CNTN3: variants seen among roughly 807,000 people sequenced by gnomAD.
The protein encoded by CNTN3 is contactin 3, also known as contactin-3.
Under a neutral mutation model 119.1 loss-of-function variants are expected in CNTN3, and 60 were observed. The ratio of observed to expected loss-of-function variants is 0.50; its 90% confidence interval spans 0.41 to 0.62. The LOEUF (loss-of-function observed/expected upper bound fraction) is 0.62. Ranked by LOEUF, CNTN3 falls within the 20% of genes least tolerant of loss-of-function variation. The pLI is 0.00. For missense variants in CNTN3, 1,101 were observed against 1,242.4 expected (o/e 0.89, Z 1.71); for synonymous variants, 450 against 438.7 (o/e 1.03, Z -0.32).
At chr3:74,376,603 AATT>A (rs1342003665) in intron 5 of CNTN3, among the ~76,000 whole-genome samples, 1 of 152,152 alleles carries the variant, frequency 6.6e-6, no homozygotes, top group Non-Finnish European at 1.5e-5. Context: ...TGAGTTGTAT[AATT>A]ATTATATATT....
chr3:74,596,597 T>G (rs1704814500), intron 1 of CNTN3, among the ~76,000 whole-genome samples: 4 of 152,160 alleles, frequency 2.6e-5, no homozygotes, highest in African/African-American at 4.8e-5. Flanking sequence ...AAGGATTCCC[T>G]ATTTAATAAA....
intron 6 of CNTN3, among the ~76,000 whole-genome samples, chr3:74,370,753 A>G (rs893901980): frequency 6.6e-6 from 1 of 152,096 alleles, no homozygotes; most frequent in South Asian, 2.1e-4. Flanking sequence ...GATGAAACAG[A>G]TATTTTTCTT....
At chr3:74,458,923 G>A (rs1479306840) in intron 4 of CNTN3, among the ~76,000 whole-genome samples, 1 of 151,986 alleles carries the variant, frequency 6.6e-6, no homozygotes, top group Non-Finnish European at 1.5e-5. Context: ...TTCCATGTAT[G>A]CTCTCTTCCA....
chr3:74,599,766 C>T (rs1175894374), intron 1 of CNTN3, among the ~76,000 whole-genome samples: 2 of 152,040 alleles, frequency 1.3e-5, no homozygotes, highest in Admixed American at 6.6e-5. Context: ...CTGACCAAGC[C>T]TTCCAACATC....
At chr3:74,587,500 G>A (rs62266475) in intron 1 of CNTN3, among the ~76,000 whole-genome samples, 17,740 of 152,032 alleles carry the variant, frequency 0.12, 1,190 homozygotes, top group East Asian at 0.24. Flanking sequence ...TAACTACAAT[G>A]GGCAGATTCC....
At position 74,301,787 on chromosome 3, in the gene CNTN3, T is replaced by G; in HGVS notation, c.1805A>C (p.Glu602Ala). ...TGTAATTTCATCTACCTTCACATTT[T>G]CTGGTGGTCCAGGTGAACCTAAGGA... The part of the protein sequence containing the change: ...LIVRGSPGPP[E>A]NVKVDEITDT... The change falls in exon 15 of 23, where the codon GAA becomes GCA. Residue 602 changes from glutamate (E) to alanine (A), a missense_variant. Coordinates refer to ENST00000263665, the MANE Select transcript of CNTN3 (RefSeq NM_020872.3). 1 of 1,614,046 alleles carries G rather than the reference T, an allele frequency of 6.2e-7. No individual in the cohort carries two copies. Among genetic ancestry groups the G allele is most frequent in the Non-Finnish European group, 8.5e-7 (1 of 1,179,920 alleles).
chr3:74,489,945 C>T (rs1702932354), intron 3 of CNTN3, among the ~76,000 whole-genome samples: 1 of 152,124 alleles, frequency 6.6e-6, no homozygotes, highest in Admixed American at 6.5e-5. Context: ...GAGGAGGTCC[C>T]ATCAAAGGCT....
chr3:74,486,265 C>T (rs1481846806), intron 4 of CNTN3, among the ~76,000 whole-genome samples, 191 bp downstream of exon 4: 1 of 149,428 alleles, frequency 6.7e-6, no homozygotes, highest in African/African-American at 2.5e-5. Context: ...CACAGACATA[C>T]ACACACACAC....
intron 19 of CNTN3, among the ~76,000 whole-genome samples, chr3:74,286,742 C>T (rs1045772232): frequency 1.3e-5 from 2 of 152,168 alleles, no homozygotes; most frequent in Non-Finnish European, 2.9e-5. Context: ...AAATAAAAGG[C>T]AAATCCACTC....
intron 1 of CNTN3, among the ~76,000 whole-genome samples, chr3:74,562,591 A>G (rs1432895457): frequency 6.6e-6 from 1 of 152,166 alleles, no homozygotes; most frequent in Non-Finnish European, 1.5e-5. Flanking sequence ...TTGCTCCAAA[A>G]TGAGTTCATG....
At chr3:74,478,330 C>T (rs1347488280) in intron 4 of CNTN3, among the ~76,000 whole-genome samples, 1 of 152,068 alleles carries the variant, frequency 6.6e-6, no homozygotes. Context: ...TCCAGGTTCT[C>T]TGTCCCGTCC....
intron 2 of CNTN3, among the ~76,000 whole-genome samples, chr3:74,513,659 G>C (rs1703406002): frequency 1.3e-5 from 2 of 151,382 alleles, no homozygotes; most frequent in South Asian, 4.2e-4. Flanking sequence ...AAAAAAAAGA[G>C]CAGCTTCCTA....
intron 1 of CNTN3, among the ~76,000 whole-genome samples, chr3:74,554,186 A>G (rs1559655798): frequency 6.6e-6 from 1 of 152,082 alleles, no homozygotes; most frequent in Non-Finnish European, 1.5e-5. Context: ...TCTTTTCCCC[A>G]TTGCTTGTTT....
intron 5 of CNTN3, among the ~76,000 whole-genome samples, chr3:74,420,641 T>A (rs1459881615): frequency 6.6e-6 from 1 of 152,186 alleles, no homozygotes; most frequent in South Asian, 2.1e-4. Flanking sequence ...AATTTTGAAA[T>A]GTCAGAAGCT....
intron 5 of CNTN3, among the ~76,000 whole-genome samples, chr3:74,387,954 TA>T (rs900559690): frequency 2.0e-5 from 3 of 152,208 alleles, no homozygotes; most frequent in African/African-American, 7.2e-5. Flanking sequence ...ACCTGGTAAT[TA>T]AAAATGTTCT....
At chr3:74,384,785 G>T (rs185913384) in intron 5 of CNTN3, among the ~76,000 whole-genome samples, 4 of 152,238 alleles carry the variant, frequency 2.6e-5, no homozygotes, top group Non-Finnish European at 4.4e-5. Flanking sequence ...TCTGTTTCTA[G>T]ACACTTTTTC....
chr3:74,282,151 G>T (rs1702025914), intron 20 of CNTN3, among the ~76,000 whole-genome samples: 1 of 152,080 alleles, frequency 6.6e-6, no homozygotes, highest in South Asian at 2.1e-4. Context: ...TACTTAAAGA[G>T]GCTAATTAGT....
intron 2 of CNTN3, among the ~76,000 whole-genome samples, chr3:74,519,664 T>C (rs1043645861): frequency 1.3e-5 from 2 of 151,692 alleles, no homozygotes; most frequent in Non-Finnish European, 3.0e-5. Context: ...ACAGAGATTA[T>C]ATTTGAAACT....
At position 74,361,978 on chromosome 3, in the gene CNTN3, G is replaced by C. The variant is rs565182465; in HGVS notation, c.1276C>G (p.Leu426Val). 37 of 1,613,888 alleles carry C rather than the reference G, an allele frequency of 2.3e-5. No homozygotes were observed. The South Asian group carries it at 3.4e-4, about 15-fold the overall frequency. The change falls in exon 11 of 23, where the codon CTG (leucine) becomes GTG (valine). Residue 426 changes from leucine to valine, a missense_variant. Physicochemically the swap from Leu to Val is conservative, Grantham distance 32. Coordinates refer to ENST00000263665, the MANE Select transcript of CNTN3 (RefSeq NM_020872.3). Reference protein sequence around the residue: ...KKLVQVQVGSLVSLDCKPRAS... With the variant: ...KKLVQVQVGSVVSLDCKPRAS... ...CTGGGTTTACAATCCAAGCTGACCAGGCTGCCCACCTGCACCTGAACCAAC... is the reference window on the plus strand; with the variant it reads ...CTGGGTTTACAATCCAAGCTGACCACGCTGCCCACCTGCACCTGAACCAAC...
Sources: gnomAD v4.1 joint callset for allele counts (sites outside exome capture counted in the v4.1 genomes callset) on GRCh38, gnomAD v4.1.1 for gene constraint, MANE v1.5 for transcripts, NCBI Gene and HGNC (gene_info 2026-07-23, HGNC 2026-07-21) for gene names.